The following PSMD1 variants were observed in gnomAD, a reference collection of about 807,000 sequenced individuals.
PSMD1 encodes the protein proteasome 26S subunit, non-ATPase 1, also known as 26S proteasome non-ATPase regulatory subunit 1.
A neutral mutation model predicts 119.0 loss-of-function variants in PSMD1; 18 were observed. The observed-to-expected ratio is 0.15, with a 90% CI of 0.10 to 0.22. PSMD1 has a LOEUF of 0.22. Ranked by LOEUF, PSMD1 falls within the 10% of genes least tolerant of loss-of-function variation. The pLI, the probability that PSMD1 is intolerant of heterozygous loss-of-function variation, is 1.00. For missense variants in PSMD1, 702 were observed against 1,158.5 expected, an observed-to-expected ratio of 0.61 and a Z score of 5.72; for synonymous variants, 374 against 396.6, an observed-to-expected ratio of 0.94 and a Z score of 0.68.
chr2:231,068,087 C>A (rs1574705214), intron 5 of PSMD1, among the ~76,000 whole-genome samples: 1 of 152,180 alleles, frequency 6.6e-6, no homozygotes, highest in South Asian at 2.1e-4. Flanking sequence ...AGGTCCAGTT[C>A]TGTTGTTAAT....
intron 16 of PSMD1, among the ~76,000 whole-genome samples, chr2:231,089,780 G>A (rs1364101696): frequency 6.6e-6 from 1 of 152,140 alleles, no homozygotes; most frequent in Admixed American, 6.5e-5. Flanking sequence ...TAGGCTGGAG[G>A]CTAATCCAGT....
intron 18 of PSMD1, among the ~76,000 whole-genome samples, chr2:231,151,859 C>A (rs923301245): frequency 7.8e-6 from 1 of 127,444 alleles, no homozygotes; most frequent in Non-Finnish European, 1.5e-5. Context: ...GTCGCCCAGG[C>A]TGGAGTGCAG....
chr2:231,130,191 C>T (rs1695821721), intron 16 of PSMD1, among the ~76,000 whole-genome samples: 1 of 152,162 alleles, frequency 6.6e-6, no homozygotes, highest in Admixed American at 6.6e-5. Context: ...AAGAAAAGTT[C>T]CTCAGATTCC....
rs1696129330 is a variant in PSMD1, at chr2:231,141,951, C to G, written c.1998+3101C>G. Among the ~76,000 whole-genome samples, 4 of 152,228 alleles carry G rather than the reference C, an allele frequency of 2.6e-5. No individual in the cohort carries two copies. The South Asian group carries it at 8.3e-4, about 32-fold the overall frequency. Reference sequence around the variant, plus strand: ...AGGCTGGACTGCAGTGGTGCAATCTCGGCTCACTGCAACCTCCGCCTCCTG... The same window carrying G: ...AGGCTGGACTGCAGTGGTGCAATCTGGGCTCACTGCAACCTCCGCCTCCTG... On this transcript the variant is annotated intron_variant, in intron 17 of 24. Coordinates refer to ENST00000308696, the MANE Select transcript of PSMD1 (RefSeq NM_002807.4).
intron 17 of PSMD1, among the ~76,000 whole-genome samples, chr2:231,144,863 T>C (rs1157953560): frequency 6.6e-6 from 1 of 152,194 alleles, no homozygotes; most frequent in Non-Finnish European, 1.5e-5. Context: ...ATTTTGTTTG[T>C]TTTAGGAGTA....
Position 231,056,995 on chromosome 2 carries a change from G to A in PSMD1, c.-31G>A, listed in dbSNP as rs1257798314. ...ATACACTGCGCAGCTGGAACGGCGA[G>A]CGAGCCGACGGGCGAGTGAGGGGCG... On this transcript the variant is annotated 5_prime_UTR_variant, in exon 1 of 25. Coordinates refer to ENST00000308696, the MANE Select transcript of PSMD1 (RefSeq NM_002807.4). 6.5e-7 allele frequency: 1 copy of A among 1,540,160 alleles called. No individual in the cohort carries two copies. Among genetic ancestry groups the A allele is most frequent in the Admixed American group, 2.0e-5 (1 of 50,764 alleles).
intron 6 of PSMD1, among the ~76,000 whole-genome samples, chr2:231,071,036 C>G (rs1694029498): frequency 6.6e-6 from 1 of 152,068 alleles, no homozygotes. Context: ...CCAAAGTCAA[C>G]TTACTATTCT....
At position 231,061,313 on chromosome 2, in the gene PSMD1, A is replaced by G; in HGVS notation, c.60+3A>G. The G allele has an allele frequency of 1.3e-6, 2 of 1,588,596 alleles. No homozygotes were observed. Among genetic ancestry groups the G allele is most frequent in the Non-Finnish European group, 1.7e-6 (2 of 1,159,606 alleles). Reference sequence around the variant, plus strand: ...ATGAAGATGAACCACAGCTTAAGGTATGAATTGAAGAATAAGTAACTAGGC... The same window carrying G: ...ATGAAGATGAACCACAGCTTAAGGTGTGAATTGAAGAATAAGTAACTAGGC... On this transcript the variant is annotated splice_donor_region_variant and intron_variant, in intron 2 of 24. Coordinates refer to ENST00000308696, the MANE Select transcript of PSMD1 (RefSeq NM_002807.4).
intron 20 of PSMD1, chr2:231,163,362 G>C (rs1696684313): frequency 6.0e-6 from 2 of 336,108 alleles, no homozygotes; most frequent in African/African-American, 2.1e-5. Context: ...ACCATGAATA[G>C]GACTTACCCA....
chr2:231,109,438 A>C (rs1234823585), intron 16 of PSMD1: 1 of 1,598,470 alleles, frequency 6.3e-7, no homozygotes, highest in East Asian at 2.2e-5. Context: ...AGATAAATTG[A>C]GTCATTTTAT....
chr2:231,078,986 G>C (rs1284005734), intron 10 of PSMD1, among the ~76,000 whole-genome samples: 1 of 151,900 alleles, frequency 6.6e-6, no homozygotes, highest in Non-Finnish European at 1.5e-5. Context: ...GTAGAGACAG[G>C]CTTTTGCCAT....
chr2:231,146,413 C>A, intron 18 of PSMD1, 57 bp downstream of exon 18: 1 of 1,353,232 alleles, frequency 7.4e-7, no homozygotes, highest in Non-Finnish European at 1.0e-6. Flanking sequence ...TCTTTAGTAA[C>A]TTATCGTCTT....
intron 23 of PSMD1, among the ~76,000 whole-genome samples, chr2:231,167,679 A>T (rs1368970349): frequency 1.3e-5 from 2 of 152,248 alleles, no homozygotes; most frequent in African/African-American, 4.8e-5. Context: ...CATTGACTTT[A>T]GTGGACACAC....
At chr2:231,157,454 T>G (rs565000534) in intron 19 of PSMD1, among the ~76,000 whole-genome samples, 20 of 150,980 alleles carry the variant, frequency 1.3e-4, no homozygotes, top group Non-Finnish European at 2.8e-4. Context: ...TTATATCTTC[T>G]TTTTTTGTTT....
intron 13 of PSMD1, 67 bp from the exon 14 acceptor site, chr2:231,083,500 T>A: frequency 2.6e-6 from 4 of 1,531,370 alleles, no homozygotes; most frequent in Non-Finnish European, 3.6e-6. Context: ...AGTGCTACTT[T>A]CAGTTGGATG....
chr2:231,058,315 T>C (rs891694312), intron 1 of PSMD1, among the ~76,000 whole-genome samples: 1 of 152,348 alleles, frequency 6.6e-6, no homozygotes, highest in Admixed American at 6.5e-5. Flanking sequence ...TATATCAGCC[T>C]TAAGGCTTTG....
At chr2:231,058,256 T>C (rs1464640738) in intron 1 of PSMD1, among the ~76,000 whole-genome samples, 3 of 152,222 alleles carry the variant, frequency 2.0e-5, no homozygotes, top group African/African-American at 7.2e-5. Flanking sequence ...CCATTACCAA[T>C]GTTTCTTCTA....
intron 18 of PSMD1, 29 bp downstream of exon 18, chr2:231,146,385 A>G (rs1362783886): frequency 6.5e-7 from 1 of 1,538,476 alleles, no homozygotes; most frequent in Non-Finnish European, 9.0e-7. Flanking sequence ...TCCCTGGAAG[A>G]GAGATGGTTT....
chr2:231,069,887 A>C (rs1309201418), intron 5 of PSMD1, 138 bp from the exon 6 acceptor site: 1 of 542,670 alleles, frequency 1.8e-6, no homozygotes, highest in Non-Finnish European at 2.8e-6. Context: ...AAAATTCTTG[A>C]GTTTGTATTG....
Sources: gnomAD v4.1 joint callset for allele counts (sites outside exome capture counted in the v4.1 genomes callset) on GRCh38, gnomAD v4.1.1 for gene constraint, MANE v1.5 for transcripts, NCBI Gene and HGNC (gene_info 2026-07-23, HGNC 2026-07-21) for gene names.